The following A3GALT2 variants were observed in gnomAD, a reference collection of about 807,000 sequenced individuals.
The protein encoded by A3GALT2 is alpha-1,3-galactosyltransferase 2.
Under a neutral mutation model 16.6 loss-of-function variants are expected in A3GALT2, and 14 were observed. That is an observed-to-expected ratio of 0.84 (90% CI 0.56 to 1.32). A3GALT2 has a LOEUF of 1.32. A3GALT2 is among the 40% of genes most tolerant of loss of function. A3GALT2 has a pLI of 0.00. For synonymous variants in A3GALT2, 253 were observed against 218.0 expected (o/e 1.16, Z -1.42); for missense variants, 600 against 490.9 (o/e 1.22, Z -2.10).
rs1044532477 is a variant in A3GALT2, at chr1:33,307,292, T to TCGCGCGCCA, written c.488_496dup (p.Val163_Arg165dup). On this transcript the variant is annotated inframe_insertion, in exon 5 of 5. Coordinates refer to ENST00000442999, the MANE Select transcript of A3GALT2 (RefSeq NM_001080438.1). ...CATCGACACGTCTTGCCAGCGCCGCTCGCGCGCCACGCGCTCCACGGGCAG... is the reference window on the plus strand; with the variant it reads ...CATCGACACGTCTTGCCAGCGCCGCTCGCGCGCCACGCGCGCCACGCGCTCCACGGGCAG... The TCGCGCGCCA allele has an allele frequency of 3.4e-6, 5 of 1,454,078 alleles. No individual in the cohort carries two copies. The highest frequency in any genetic ancestry group is 1.5e-5 in the African/African-American group (1 of 67,270). The allele number at this position is 1,454,078 out of a possible 1,614,324, so 90.1% of individuals were successfully genotyped here.
At chr1:33,317,674 C>G (rs1276503797) in intron 1 of A3GALT2, among the ~76,000 whole-genome samples, 1 of 152,206 alleles carries the variant, frequency 6.6e-6, no homozygotes, top group Non-Finnish European at 1.5e-5. Context: ...AATGCAACAA[C>G]CCCAGGGTTC....
rs916893533 is a variant in A3GALT2 at position 33,306,893 on chromosome 1, C to A, written c.896G>T (p.Trp299Leu). The change falls in exon 5 of 5, where the codon TGG becomes TTG. Residue 299 changes from tryptophan (W) to leucine (L), a missense_variant. Trp to Leu is a moderately conservative substitution (Grantham distance 61, BLOSUM62 -2). Coordinates refer to ENST00000442999, the MANE Select transcript of A3GALT2 (RefSeq NM_001080438.1). The stretch of plus-strand genomic sequence containing the variant: ...CAGCACCTTGGCGGGCTTGTGCAGC[C>A]AGAAGAACTTGTTGAGGTGGCTCTC... ...HDESHLNKFFWLHKPAKVLSP... is the reference protein window; with the variant it reads ...HDESHLNKFFLLHKPAKVLSP... The A allele has an allele frequency of 6.6e-7, 1 of 1,523,238 alleles. No homozygotes were observed. The highest frequency in any genetic ancestry group is 2.0e-5 in the Admixed American group (1 of 48,864). 94.4% of individuals were successfully genotyped at this position (1,523,238 alleles called of 1,614,324 possible). A position where few individuals can be genotyped will look rare whatever the true frequency, so the allele number is the denominator to read the frequency against.
At chr1:33,310,548 C>T (rs1646228685) in intron 4 of A3GALT2, among the ~76,000 whole-genome samples, 1 of 152,154 alleles carries the variant, frequency 6.6e-6, no homozygotes, top group Non-Finnish European at 1.5e-5. Context: ...ATGTGGCAGC[C>T]ACTGCTTTCT....
At chr1:33,315,538 C>T (rs1456898879) in intron 1 of A3GALT2, among the ~76,000 whole-genome samples, 1 of 152,100 alleles carries the variant, frequency 6.6e-6, no homozygotes, top group Non-Finnish European at 1.5e-5. Context: ...GAGGTAGACC[C>T]TGTCTTGATT....
At chr1:33,312,268 G>T (rs1273636407) in intron 3 of A3GALT2, 79 bp from the exon 4 acceptor site, 2 of 1,574,082 alleles carry the variant, frequency 1.3e-6, no homozygotes, top group Admixed American at 3.5e-5. Context: ...CACCTCCCCA[G>T]TGCTGAGCCC....
chr1:33,307,479 C>T (rs1646201327), intron 4 of A3GALT2, 26 bp from the exon 5 acceptor site: 1 of 1,453,724 alleles, frequency 6.9e-7, no homozygotes, highest in Admixed American at 2.6e-5. Flanking sequence ...CACCGTCAGC[C>T]TGAGAGTGAA....
intron 4 of A3GALT2, among the ~76,000 whole-genome samples, chr1:33,308,679 T>A (rs1185273463): frequency 6.6e-6 from 1 of 151,204 alleles, no homozygotes; most frequent in Non-Finnish European, 1.5e-5. Flanking sequence ...AGTGCTGGGA[T>A]TACAGGTGTG....
chr1:33,311,630 A>G (rs1646232852), intron 4 of A3GALT2, among the ~76,000 whole-genome samples: 1 of 152,110 alleles, frequency 6.6e-6, no homozygotes, highest in Non-Finnish European at 1.5e-5. Context: ...AATCCTATGT[A>G]CCTGCACCTG....
chr1:33,312,285 C>T, intron 3 of A3GALT2, 96 bp from the exon 4 acceptor site: 1 of 1,514,498 alleles, frequency 6.6e-7, no homozygotes, highest in Non-Finnish European at 8.9e-7. Flanking sequence ...GCCCTAGGGA[C>T]CCATAGACCG....
In A3GALT2 at chr1:33,307,409, T is replaced by C; in HGVS notation, c.380A>G (p.Gln127Arg). The C allele has an allele frequency of 3.2e-6, 5 of 1,555,274 alleles. No individual in the cohort carries two copies. Among genetic ancestry groups the C allele is most frequent in the Non-Finnish European group, 4.3e-6 (5 of 1,159,298 alleles). ...CACGCTCTGGCCCGCCATGAAGTGC[T>C]GCTCCGCCGTCTCCAGGAAGCGCTC... is the stretch of plus-strand genomic sequence containing the variant. ...YLERFLETAE[Q>R]HFMAGQSVMY... The change falls in exon 5 of 5, where the codon CAG becomes CGG. Residue 127 changes from glutamine (Q) to arginine (R), a missense_variant. Physicochemically the swap from Gln to Arg is conservative, Grantham distance 43. Coordinates refer to ENST00000442999, the MANE Select transcript of A3GALT2 (RefSeq NM_001080438.1).
chr1:33,310,734 T>C (rs1646229374), intron 4 of A3GALT2, among the ~76,000 whole-genome samples: 2 of 152,196 alleles, frequency 1.3e-5, no homozygotes, highest in Non-Finnish European at 2.9e-5. Context: ...AATCTCAGCA[T>C]TTCGTGGTGT....
At chr1:33,315,937 G>A (rs1480271117) in intron 1 of A3GALT2, among the ~76,000 whole-genome samples, 1 of 152,126 alleles carries the variant, frequency 6.6e-6, no homozygotes, top group African/African-American at 2.4e-5. Context: ...TTGGGCGGGG[G>A]GGCAGTGGTG....
intron 1 of A3GALT2, among the ~76,000 whole-genome samples, chr1:33,315,605 T>C (rs75812036): frequency 0.013 from 1,984 of 152,290 alleles, 16 homozygotes; most frequent in Non-Finnish European, 0.022. Flanking sequence ...GTGAGATTGG[T>C]GCTCTTACAC....
Position 33,312,202 on chromosome 1 carries a change from G to C in A3GALT2, c.198-13C>G. On this transcript the variant is annotated splice_polypyrimidine_tract_variant and intron_variant, in intron 3 of 4. Transcript: ENST00000442999. ...TTCAGGCCGGGCCCTGGCCAGGGCAGGGATGGGAAATGGAAATAGCTCCAT... is the reference window on the plus strand; with the variant it reads ...TTCAGGCCGGGCCCTGGCCAGGGCACGGATGGGAAATGGAAATAGCTCCAT... 1.2e-6 allele frequency: 2 copies of C among 1,612,590 alleles called. No individual in the cohort carries two copies. The highest frequency in any genetic ancestry group is 1.1e-5 in the South Asian group (1 of 90,972).
Position 33,308,750 on chromosome 1 carries a change from G to GT in A3GALT2, c.336-1298dup, listed in dbSNP as rs56655319. Among the ~76,000 whole-genome samples the GT allele has an allele frequency of 5.1e-3, 235 of 46,050 alleles. 2 individuals are homozygous for GT. Among genetic ancestry groups the GT allele is most frequent in the Middle Eastern group, 0.024 (1 of 42 alleles). 30.2% of individuals were successfully genotyped at this position (46,050 alleles called of 152,430 possible). ...ATTATTTTTTTGTCATGTCAAAGTT[G>GT]TTTTTTTTTTTTTTTTTTTTTTTTT... On this transcript the variant is annotated intron_variant, in intron 4 of 4. Transcript: ENST00000442999.
intron 4 of A3GALT2, among the ~76,000 whole-genome samples, chr1:33,309,529 G>A (rs961437335): frequency 6.0e-5 from 9 of 151,084 alleles, no homozygotes; most frequent in South Asian, 2.1e-4. Flanking sequence ...GGGTGGAGAC[G>A]CTCCTCACTT....
At chr1:33,315,104 G>A (rs1304254484) in intron 1 of A3GALT2, among the ~76,000 whole-genome samples, 6 of 152,148 alleles carry the variant, frequency 3.9e-5, no homozygotes, top group African/African-American at 1.4e-4. Flanking sequence ...ATTAGCCGGG[G>A]CTGGGCGTGG....
At chr1:33,311,973 G>C in intron 4 of A3GALT2, 79 bp downstream of exon 4, 1 of 1,572,484 alleles carries the variant, frequency 6.4e-7, no homozygotes, top group Non-Finnish European at 8.6e-7. Flanking sequence ...AGGGGAGCAG[G>C]GTGCCCCGCC....
intron 4 of A3GALT2, among the ~76,000 whole-genome samples, chr1:33,308,340 A>G (rs1646213597): frequency 6.6e-6 from 1 of 151,924 alleles, no homozygotes; most frequent in South Asian, 2.1e-4. Context: ...CCCAGCTGAG[A>G]CGCAGACATT....
Sources: allele counts gnomAD v4.1 joint callset (sites outside exome capture counted in the v4.1 genomes callset), GRCh38; gene constraint gnomAD v4.1.1; transcripts MANE v1.5; gene names NCBI Gene and HGNC (gene_info 2026-07-23, HGNC 2026-07-21).